The following TRPA1 variants were observed in gnomAD, a reference collection of about 807,000 sequenced individuals.
The protein encoded by TRPA1 is transient receptor potential cation channel subfamily A member 1, also known as ankyrin-like with transmembrane domains 1.
Under a neutral mutation model 131.3 loss-of-function variants are expected in TRPA1, and 129 were observed. That is an observed-to-expected ratio of 0.98 (90% confidence interval 0.85 to 1.14). TRPA1 has a LOEUF of 1.14. TRPA1 is among the 50% of genes most tolerant of loss of function. TRPA1 has a pLI of 0.00. For missense variants in TRPA1, 1,304 were observed against 1,354.2 expected (o/e 0.96, Z 0.58); for synonymous variants, 441 against 451.7 (o/e 0.98, Z 0.30).
chr8:72,057,709 C>T lies in TRPA1; in HGVS notation c.1093+8G>A. 6.2e-7 allele frequency: 1 copy of T among 1,609,728 alleles called. No individual in the cohort carries two copies. On this transcript the variant is annotated splice_region_variant and intron_variant, in intron 9 of 26. Coordinates refer to ENST00000262209, the MANE Select transcript of TRPA1 (RefSeq NM_007332.3). ...CTTCAAAAGACTTGGCTTGTTCCCT[C>T]TTGGTACCTTTAGAGAGTAGCAAAT...
chr8:72,033,313 G>A (rs183849185), intron 23 of TRPA1, among the ~76,000 whole-genome samples: 2 of 152,128 alleles, frequency 1.3e-5, no homozygotes, highest in South Asian at 4.1e-4. Context: ...ATGCTACACA[G>A]TTATTTATTA....
intron 25 of TRPA1, among the ~76,000 whole-genome samples, chr8:72,024,620 G>A (rs1415047979): frequency 6.6e-6 from 1 of 152,106 alleles, no homozygotes; most frequent in Admixed American, 6.6e-5. Context: ...ATTTTTTCCT[G>A]TAGGGGATAT....
chr8:72,036,452 C>T lies in TRPA1; in HGVS notation c.2391G>A (p.Arg797=), dbSNP rs766198548. ...KEAGQIFQQK[R]NYFMDISNVL... is the part of the protein sequence containing the mutation. Reference sequence around the variant, plus strand: ...CATTGCTTATATCCATAAAATAATTCCTTTTCTGGGATAGAAAAGAATAAA... The same window carrying T: ...CATTGCTTATATCCATAAAATAATTTCTTTTCTGGGATAGAAAAGAATAAA... Residue 797 remains arginine, a synonymous_variant, in exon 21 of 27, where the codon AGG becomes AGA. Transcript: ENST00000262209. The T allele has an allele frequency of 1.5e-5, 24 of 1,613,006 alleles. No homozygotes were observed. The South Asian group carries it at 2.5e-4, about 17-fold the overall frequency.
chr8:72,074,543 A>G (rs947709300), intron 1 of TRPA1, among the ~76,000 whole-genome samples: 1 of 152,174 alleles, frequency 6.6e-6, no homozygotes, highest in African/African-American at 2.4e-5. Context: ...TCAACATTTT[A>G]AAAGAGCCCC....
In TRPA1 at chr8:72,060,663, C is replaced by A. The variant is rs16919251; in HGVS notation, c.944+962G>T. Among the ~76,000 whole-genome samples the A allele has an allele frequency of 4.2e-3, 632 of 151,724 alleles. 4 individuals are homozygous for A. The highest frequency in any genetic ancestry group is 0.014 in the African/African-American group (590 of 41,400). ...ATTTTAAAATTCTTTTTGGAATGCC[C>A]TATTATTTCTATTTTCTTGGAAGTA... On this transcript the variant is annotated intron_variant, in intron 7 of 26. Transcript: ENST00000262209.
chr8:72,024,419 G>T (rs1811510313), intron 25 of TRPA1, among the ~76,000 whole-genome samples: 1 of 152,108 alleles, frequency 6.6e-6, no homozygotes, highest in Admixed American at 6.6e-5. Context: ...AAATGATCAA[G>T]AATGAGGTAA....
intron 15 of TRPA1, among the ~76,000 whole-genome samples, chr8:72,047,580 T>C (rs1805368374): frequency 6.6e-6 from 1 of 152,148 alleles, no homozygotes; most frequent in Non-Finnish European, 1.5e-5. Context: ...TGTGAAATTC[T>C]AAACGCTCCA....
chr8:72,045,374 T>C (rs1812393076), intron 17 of TRPA1, among the ~76,000 whole-genome samples: 1 of 151,678 alleles, frequency 6.6e-6, no homozygotes. Flanking sequence ...CCTAGAGCAG[T>C]GTCGTCTAAT....
intron 15 of TRPA1, among the ~76,000 whole-genome samples, chr8:72,048,031 A>G (rs1324330205): frequency 6.7e-6 from 1 of 148,960 alleles, no homozygotes; most frequent in Admixed American, 6.7e-5. Context: ...CGGAGAGAGT[A>G]TGTGTTTAGA....
At chr8:72,080,408 T>C (rs1370870841), upstream of TRPA1, among the ~76,000 whole-genome samples, 1 of 151,790 alleles carries the variant, frequency 6.6e-6, no homozygotes, top group Non-Finnish European at 1.5e-5. Context: ...CTCACTTACA[T>C]TATTTTATAT....
intron 2 of TRPA1, among the ~76,000 whole-genome samples, chr8:72,069,760 C>A (rs1010767797): frequency 6.6e-6 from 1 of 151,020 alleles, no homozygotes; most frequent in Admixed American, 6.6e-5. Context: ...AAAAAAAAAA[C>A]ATATATTCAT....
Position 72,052,770 on chromosome 8 carries a change from TGAAGAAAAACA to T in TRPA1, c.1645-16_1645-6del. The T allele has an allele frequency of 6.2e-7, 1 of 1,612,422 alleles. No individual in the cohort carries two copies. The highest frequency in any genetic ancestry group is 1.1e-5 in the South Asian group (1 of 91,028). On this transcript the variant is annotated splice_polypyrimidine_tract_variant and splice_region_variant and intron_variant, in intron 13 of 26. Transcript: ENST00000262209. The stretch of plus-strand genomic sequence containing the variant: ...AGCAAAGTGAAGTGCAGTGTTCTTT[TGAAGAAAAACA>T]GACACAGAAAACGTGGTGACAGTGT...
At position 72,075,495 on chromosome 8, in the gene TRPA1, C is replaced by A. The variant is rs981608558; in HGVS notation, c.-86G>T. 8.9e-6 allele frequency: 10 copies of A among 1,122,514 alleles called. No individual in the cohort carries two copies. Among genetic ancestry groups the A allele is most frequent in the South Asian group, 1.2e-5 (1 of 81,064 alleles). The allele number at this position is 1,122,514 out of a possible 1,614,324, so 69.5% of individuals were successfully genotyped here. ...GAGAGAGCGCTGTCAGCCTGCCAGGCGCTGGGGTCCGCGCGAGCCCGAGCT... is the reference window on the plus strand; with the variant it reads ...GAGAGAGCGCTGTCAGCCTGCCAGGAGCTGGGGTCCGCGCGAGCCCGAGCT... On this transcript the variant is annotated 5_prime_UTR_variant, in exon 1 of 27. Coordinates refer to ENST00000262209, the MANE Select transcript of TRPA1 (RefSeq NM_007332.3).
chr8:72,073,920 A>G (rs1806118895), intron 1 of TRPA1, among the ~76,000 whole-genome samples: 1 of 152,222 alleles, frequency 6.6e-6, no homozygotes, highest in South Asian at 2.1e-4. Flanking sequence ...GCCAAACCGG[A>G]CATGTCAACA....
intron 15 of TRPA1, among the ~76,000 whole-genome samples, chr8:72,049,799 T>C (rs1309915001): frequency 6.6e-6 from 1 of 152,182 alleles, no homozygotes; most frequent in Non-Finnish European, 1.5e-5. Context: ...GGGCAAGCTT[T>C]TATCTTCACA....
At chr8:72,064,549 C>A (rs1805884757) in intron 4 of TRPA1, among the ~76,000 whole-genome samples, 1 of 151,614 alleles carries the variant, frequency 6.6e-6, no homozygotes, top group Non-Finnish European at 1.5e-5. Flanking sequence ...ATCATTTATT[C>A]TCTTTGTGGT....
At chr8:72,053,001 TAGAGAA>T (rs1289515157) in intron 13 of TRPA1, 102 of 196,026 alleles carry the variant, frequency 5.2e-4, no homozygotes, top group African/African-American at 6.3e-4. Flanking sequence ...GTGTGAGAGA[TAGAGAA>T]AGAGAGAGAG....
At chr8:72,042,263 T>C (rs1294388604) in intron 17 of TRPA1, among the ~76,000 whole-genome samples, 1 of 151,894 alleles carries the variant, frequency 6.6e-6, no homozygotes, top group Non-Finnish European at 1.5e-5. Context: ...CCAAAGAAGA[T>C]ACATGAATAG....
chr8:72,051,754 A>G lies in TRPA1; in HGVS notation c.1811+845T>C, dbSNP rs558277379. 2.0e-5 allele frequency among the ~76,000 whole-genome samples: 3 copies of G among 152,312 alleles called. No individual in the cohort carries two copies. In the South Asian group the frequency reaches 6.2e-4, roughly 32 times the overall value. ...TAGAAAGTGATATTATAAAGATATT[A>G]TGAGAAGTGAGACTAACTATCCTCT... is the stretch of plus-strand genomic sequence containing the variant. On this transcript the variant is annotated intron_variant, in intron 14 of 26. Transcript: ENST00000262209.
Sources: gnomAD v4.1 joint callset for allele counts (sites outside exome capture counted in the v4.1 genomes callset) on GRCh38, gnomAD v4.1.1 for gene constraint, MANE v1.5 for transcripts, NCBI Gene and HGNC (gene_info 2026-07-23, HGNC 2026-07-21) for gene names.